The following INTS6 variants were observed in gnomAD, a reference collection of about 807,000 sequenced individuals.
The protein encoded by INTS6 is DEAD box protein.
Under a neutral mutation model 104.9 loss-of-function variants are expected in INTS6, and 16 were observed. That is an observed-to-expected ratio of 0.15 (90% CI 0.10 to 0.23). The LOEUF (loss-of-function observed/expected upper bound fraction) is 0.23, where lower values mean the gene tolerates loss of function less well. INTS6 is among the 10% of genes least tolerant of loss of function. The probability of loss-of-function intolerance (pLI) is 1.00; values close to 1 mark genes in which losing one functional copy is unlikely to be tolerated. For missense variants in INTS6, 584 were observed against 1,062.8 expected (o/e 0.55, Z 6.26); for synonymous variants, 324 against 358.7 (o/e 0.90, Z 1.09).
intron 4 of INTS6, among the ~76,000 whole-genome samples, chr13:51,404,063 TACACACACACACACACACACACACAC>T (rs71085082): frequency 8.2e-5 from 9 of 109,644 alleles, no homozygotes; most frequent in African/African-American, 3.7e-4. Flanking sequence ...TCTCTACAAA[TACACACACACACACACACACACACAC>T]ACACACACAC....
intron 3 of INTS6, chr13:51,439,254 G>C (rs1952749007): frequency 6.6e-6 from 1 of 151,746 alleles, no homozygotes. Context: ...ACCTCATTTG[G>C]GCAAAAACTA....
chr13:51,391,745 G>T (rs1956249097), intron 5 of INTS6, among the ~76,000 whole-genome samples: 1 of 152,144 alleles, frequency 6.6e-6, no homozygotes, highest in Non-Finnish European at 1.5e-5. Flanking sequence ...GTCAAATAGA[G>T]AAGAAGCAAA....
In INTS6 at chr13:51,367,830, G is replaced by T; in HGVS notation, c.2545C>A (p.Gln849Lys). The T allele has an allele frequency of 1.3e-6, 2 of 1,585,840 alleles. No individual in the cohort carries two copies. Among genetic ancestry groups the T allele is most frequent in the East Asian group, 2.3e-5 (1 of 43,984 alleles). The change falls in exon 17 of 18, where the codon CAA becomes AAA. Residue 849 changes from glutamine to lysine, a missense_variant. By Grantham distance (53) the Gln-to-Lys change is moderately conservative (BLOSUM62 1). Transcript: ENST00000311234. ...CTTGATGCTTCTTTAATGACATTTT[G>T]TAAAAATATTAGTCTTGTTTGTAAA... ...GSLQTRLIFL[Q>K]NVIKEASRFK...
chr13:51,427,208 A>G (rs1188496307), intron 4 of INTS6, among the ~76,000 whole-genome samples: 1 of 152,174 alleles, frequency 6.6e-6, no homozygotes, highest in Non-Finnish European at 1.5e-5. Context: ...GCCACAAGCC[A>G]AACAGGAATT....
chr13:51,439,449 C>T (rs1184786396), intron 3 of INTS6: 1 of 152,114 alleles, frequency 6.6e-6, no homozygotes, highest in East Asian at 1.9e-4. Context: ...AATTCTCTCT[C>T]TCCATATACC....
intron 16 of INTS6, 107 bp from the exon 17 acceptor site, chr13:51,368,005 C>A: frequency 1.8e-6 from 1 of 549,578 alleles, no homozygotes; most frequent in Non-Finnish European, 3.1e-6. Flanking sequence ...GAGATAAAAA[C>A]ATTCTACATA....
At chr13:51,413,752 CTA>C (rs1179812457) in intron 4 of INTS6, among the ~76,000 whole-genome samples, 1 of 152,144 alleles carries the variant, frequency 6.6e-6, no homozygotes, top group Non-Finnish European at 1.5e-5. Context: ...GCACCCTTTT[CTA>C]AAACCCATGC....
intron 15 of INTS6, among the ~76,000 whole-genome samples, chr13:51,371,466 A>T (rs1955801352): frequency 6.6e-6 from 1 of 152,070 alleles, no homozygotes; most frequent in Non-Finnish European, 1.5e-5. Context: ...CCTGTAAGTA[A>T]AAGTGATATA....
chr13:51,377,664 A>G (rs1955961430), intron 12 of INTS6, among the ~76,000 whole-genome samples: 1 of 152,102 alleles, frequency 6.6e-6, no homozygotes, highest in African/African-American at 2.4e-5. Flanking sequence ...CTGTTCCACT[A>G]ATCTCCTATG....
chr13:51,381,536 A>G (rs1956049323), intron 10 of INTS6, among the ~76,000 whole-genome samples: 1 of 152,116 alleles, frequency 6.6e-6, no homozygotes, highest in African/African-American at 2.4e-5. Context: ...CATGATCATG[A>G]TCATCATCAC....
At chr13:51,414,523 G>C (rs529186793) in intron 4 of INTS6, among the ~76,000 whole-genome samples, 19 of 152,034 alleles carry the variant, frequency 1.2e-4, no homozygotes, top group Non-Finnish European at 2.2e-4. Context: ...AAATCTTTCC[G>C]TGATTTAATA....
intron 14 of INTS6, 25 bp from the exon 15 acceptor site, chr13:51,374,464 T>C (rs1244962108): frequency 1.2e-6 from 2 of 1,602,712 alleles, no homozygotes; most frequent in Non-Finnish European, 1.7e-6. Flanking sequence ...AATACAACTT[T>C]CTTGAATTTA....
the INTS6 span, chr13:51,344,469 C>A: frequency 6.3e-7 from 1 of 1,588,568 alleles, no homozygotes; most frequent in Non-Finnish European, 8.6e-7. Context: ...GCGAAGGGGC[C>A]TCCAGAGAGA....
intron 6 of INTS6, 72 bp downstream of exon 6, chr13:51,389,247 G>GT (rs748704919): frequency 5.9e-6 from 9 of 1,524,194 alleles, no homozygotes; most frequent in South Asian, 2.5e-5. Flanking sequence ...CCAAATCACA[G>GT]TAAGTTTTCA....
intron 4 of INTS6, 63 bp downstream of exon 4, chr13:51,430,231 C>T: frequency 7.2e-7 from 1 of 1,379,848 alleles, no homozygotes; most frequent in Non-Finnish European, 1.0e-6. Context: ...GTTCAGTATC[C>T]TACAAAAATA....
chr13:51,397,010 C>T (rs1446514447), intron 4 of INTS6, among the ~76,000 whole-genome samples: 1 of 152,086 alleles, frequency 6.6e-6, no homozygotes, highest in Non-Finnish European at 1.5e-5. Flanking sequence ...AAAATCAAGA[C>T]TCAGTTTAGG....
intron 15 of INTS6, among the ~76,000 whole-genome samples, chr13:51,370,140 G>T (rs576173503): frequency 1.3e-5 from 2 of 152,066 alleles, no homozygotes; most frequent in African/African-American, 2.4e-5. Context: ...TCGATTCCAT[G>T]ATTTGCAAAC....
downstream of INTS6, among the ~76,000 whole-genome samples, chr13:51,349,871 G>C (rs555390503): frequency 6.6e-6 from 1 of 152,304 alleles, no homozygotes; most frequent in Admixed American, 6.5e-5. Context: ...AAGGAGGATA[G>C]AGGTTTTTAG....
rs1403393321 is a variant in INTS6 at position 51,452,810 on chromosome 13, C to T, written c.-285G>A. The T allele has an allele frequency of 4.2e-6, 5 of 1,180,322 alleles. No homozygotes were observed. In the African/African-American group the frequency reaches 4.9e-5, roughly 12 times the overall value. 73.1% of individuals were successfully genotyped at this position (1,180,322 alleles called of 1,614,324 possible). On this transcript the variant is annotated 5_prime_UTR_variant, in exon 1 of 18. Coordinates refer to ENST00000311234, the MANE Select transcript of INTS6 (RefSeq NM_012141.3). The surrounding 1 kb of genome is among the most constrained non-coding windows in gnomAD (Gnocchi z 4.2). ...GCCGTCTGTCTGTCGGTTCGTCCCC[C>T]CCGCCTCGGGGGTCCCGTCCCCGCT... is the stretch of plus-strand genomic sequence containing the variant.
Sources: allele counts gnomAD v4.1 joint callset (sites outside exome capture counted in the v4.1 genomes callset), GRCh38; gene constraint gnomAD v4.1.1; non-coding constraint Gnocchi (gnomAD v3.1); transcripts MANE v1.5; gene names NCBI Gene and HGNC (gene_info 2026-07-23, HGNC 2026-07-21).